Variants in CACNA1E observed in about 807,000 individuals in gnomAD.
The protein encoded by CACNA1E is calcium voltage-gated channel subunit alpha1 E, also known as voltage-dependent R-type calcium channel subunit alpha-1E.
A neutral mutation model predicts 259.2 loss-of-function variants in CACNA1E; 40 were observed. That is an observed-to-expected ratio of 0.15 (90% confidence interval 0.12 to 0.20). CACNA1E has a LOEUF of 0.20. Ranked by LOEUF, CACNA1E falls within the 10% of genes least tolerant of loss-of-function variation. The pLI is 1.00. For missense variants in CACNA1E, 1,874 were observed against 3,040.1 expected (o/e 0.62, Z 9.02); for synonymous variants, 1,104 against 1,138.5 (o/e 0.97, Z 0.61).
chr1:181,384,495 G>C (rs1655692732), intron 1 of CACNA1E, among the ~76,000 whole-genome samples: 1 of 152,206 alleles, frequency 6.6e-6, no homozygotes, highest in Non-Finnish European at 1.5e-5. Flanking sequence ...TAGGGTAGCA[G>C]AGTGAACTCA....
At chr1:181,726,261 T>C in intron 18 of CACNA1E, 99 bp downstream of exon 18, 1 of 799,956 alleles carries the variant, frequency 1.3e-6, no homozygotes, top group Non-Finnish European at 2.1e-6. Flanking sequence ...ACCTACTACA[T>C]GCTGGGAACT....
chr1:181,543,381 A>C (rs777415815), intron 3 of CACNA1E, among the ~76,000 whole-genome samples: 30 of 152,350 alleles, frequency 2.0e-4, no homozygotes, highest in Non-Finnish European at 3.8e-4. Context: ...ACTGATGTTC[A>C]TCTGCTATGG....
At chr1:181,570,256 G>A (rs1373686495) in intron 3 of CACNA1E, among the ~76,000 whole-genome samples, 1 of 152,016 alleles carries the variant, frequency 6.6e-6, no homozygotes, top group Admixed American at 6.5e-5. Context: ...TCCTCGGGGG[G>A]AGTCTTGCTC....
intron 2 of CACNA1E, among the ~76,000 whole-genome samples, chr1:181,421,670 T>C (rs537576870): frequency 6.6e-6 from 1 of 152,318 alleles, no homozygotes; most frequent in African/African-American, 2.4e-5. Flanking sequence ...CCGAGCCAAA[T>C]ATTCTCATTA....
Position 181,483,631 on chromosome 1 carries a change from C to T in CACNA1E, c.-114C>T. 3.1e-6 allele frequency: 2 copies of T among 642,520 alleles called. No individual in the cohort carries two copies. Among genetic ancestry groups the T allele is most frequent in the African/African-American group, 3.7e-5 (2 of 53,500 alleles). The allele number at this position is 642,520 out of a possible 1,614,324, so 39.8% of individuals were successfully genotyped here. On this transcript the variant is annotated 5_prime_UTR_variant, in exon 1 of 48. Transcript: ENST00000367573. ...GCGGAGCTCCCCAGAGGCGGTGGTC[C>T]CCGTGCTTGTCTGGATGCGGCTCTG...
intron 38 of CACNA1E, among the ~76,000 whole-genome samples, chr1:181,777,090 A>G (rs893740008): frequency 6.6e-6 from 1 of 152,244 alleles, no homozygotes; most frequent in Non-Finnish European, 1.5e-5. Context: ...GCAACAACCT[A>G]TATATTTTAC....
rs577815629 is a variant in CACNA1E, at chr1:181,342,108, G to T, written c.-15+23985G>T. On this transcript the variant is annotated intron_variant, in intron 1 of 11. Coordinates refer to the CACNA1E transcript ENST00000524607. ...ACTCTAGACTTGAATGGTAAGAAGG[G>T]GCCAACTATGTCAAGACCTGGCAGA... 2.0e-5 allele frequency among the ~76,000 whole-genome samples: 3 copies of T among 152,224 alleles called. No homozygotes were observed. In the East Asian group the frequency reaches 5.8e-4, roughly 29 times the overall value.
chr1:181,750,883 C>T (rs1404519711), intron 26 of CACNA1E, among the ~76,000 whole-genome samples: 2 of 152,084 alleles, frequency 1.3e-5, no homozygotes, highest in Non-Finnish European at 2.9e-5. Flanking sequence ...TTAAAATAAA[C>T]ATTCTGGGCA....
At chr1:181,508,845 C>T (rs940588169) in intron 1 of CACNA1E, among the ~76,000 whole-genome samples, 4 of 152,108 alleles carry the variant, frequency 2.6e-5, no homozygotes, top group Non-Finnish European at 5.9e-5. Flanking sequence ...GGAGGCTCCC[C>T]TCTGAGTGGG....
chr1:181,417,966 AT>A (rs1028942370), intron 2 of CACNA1E, among the ~76,000 whole-genome samples: 6 of 149,950 alleles, frequency 4.0e-5, no homozygotes, highest in Non-Finnish European at 7.4e-5. Flanking sequence ...TTCTGTCTCC[AT>A]TTTTTTTTCT....
intron 14 of CACNA1E, 143 bp downstream of exon 14, chr1:181,720,480 T>C (rs1262909665): frequency 1.0e-5 from 9 of 858,898 alleles, no homozygotes; most frequent in Non-Finnish European, 1.6e-5. Context: ...AGTGAGTTCA[T>C]ATGTGGAGTA....
At chr1:181,551,811 A>C (rs1217097430) in intron 3 of CACNA1E, among the ~76,000 whole-genome samples, 3 of 152,186 alleles carry the variant, frequency 2.0e-5, no homozygotes, top group Non-Finnish European at 4.4e-5. Flanking sequence ...ACACCACTCC[A>C]TTGTTGAATA....
chr1:181,449,624 G>T (rs1661018080), intron 2 of CACNA1E, among the ~76,000 whole-genome samples: 1 of 152,166 alleles, frequency 6.6e-6, no homozygotes, highest in Non-Finnish European at 1.5e-5. Flanking sequence ...AGTGGTGTTG[G>T]CTTCTTTCTG....
At chr1:181,420,896 C>A (rs1658682165) in intron 2 of CACNA1E, among the ~76,000 whole-genome samples, 2 of 152,122 alleles carry the variant, frequency 1.3e-5, no homozygotes, top group South Asian at 4.1e-4. Flanking sequence ...GTCTGTGTCC[C>A]CCACTAGATT....
intron 1 of CACNA1E, among the ~76,000 whole-genome samples, chr1:181,502,398 G>A (rs1298218737): frequency 6.6e-6 from 1 of 152,174 alleles, no homozygotes; most frequent in Non-Finnish European, 1.5e-5. Flanking sequence ...TCCCTTTTCT[G>A]GGCTGGTCTC....
At chr1:181,643,775 G>A (rs1469804469) in intron 6 of CACNA1E, among the ~76,000 whole-genome samples, 2 of 152,222 alleles carry the variant, frequency 1.3e-5, no homozygotes, top group Non-Finnish European at 2.9e-5. Context: ...TTCATCCTCA[G>A]TGACAATCAC....
chr1:181,388,378 C>T (rs1234774553), intron 1 of CACNA1E, among the ~76,000 whole-genome samples: 1 of 152,126 alleles, frequency 6.6e-6, no homozygotes, highest in Admixed American at 6.5e-5. Context: ...AGAAAGGCAT[C>T]GCTAGGTGAT....
chr1:181,664,248 A>G (rs1647976364), intron 7 of CACNA1E, among the ~76,000 whole-genome samples: 1 of 152,210 alleles, frequency 6.6e-6, no homozygotes, highest in African/African-American at 2.4e-5. Context: ...GGCATTTGCA[A>G]TGGGACCTTT....
At chr1:181,751,341 G>A (rs1657576125) in intron 26 of CACNA1E, among the ~76,000 whole-genome samples, 1 of 152,234 alleles carries the variant, frequency 6.6e-6, no homozygotes, top group Non-Finnish European at 1.5e-5. Flanking sequence ...ATCAATAGCT[G>A]TAGGGCCAGG....
Sources: gnomAD v4.1 joint callset for allele counts (sites outside exome capture counted in the v4.1 genomes callset) on GRCh38, gnomAD v4.1.1 for gene constraint, MANE v1.5 for transcripts, NCBI Gene and HGNC (gene_info 2026-07-23, HGNC 2026-07-21) for gene names.